The following KIF13A variants were observed in gnomAD, a reference collection of about 807,000 sequenced individuals.
KIF13A encodes kinesin-like protein KIF13A.
KIF13A carries 79 observed loss-of-function variants against 212.2 expected under a neutral mutation model. The ratio of observed to expected loss-of-function variants is 0.37; its 90% CI spans 0.31 to 0.45. The LOEUF is 0.45. KIF13A is among the 20% of genes least tolerant of loss of function. KIF13A has a pLI of 1.00. For synonymous variants in KIF13A, 789 were observed against 808.6 expected (o/e 0.98, Z 0.41); for missense variants, 1,901 against 2,209.0 (o/e 0.86, Z 2.79).
intron 2 of KIF13A, among the ~76,000 whole-genome samples, chr6:17,944,254 T>G (rs1049014867): frequency 1.3e-5 from 2 of 152,222 alleles, no homozygotes; most frequent in African/African-American, 4.8e-5. Flanking sequence ...CCCTGTTTTC[T>G]GAGGAGTTCC....
intron 20 of KIF13A, among the ~76,000 whole-genome samples, chr6:17,803,717 G>A (rs995219579): frequency 6.6e-6 from 1 of 152,088 alleles, no homozygotes; most frequent in African/African-American, 2.4e-5. Context: ...AGAGTATATC[G>A]CAAAGGTATG....
Position 17,895,730 on chromosome 6 carries a change from T to C in KIF13A, c.159+2438A>G, listed in dbSNP as rs923228675. ...TCCTGAATGGCATATATCTAAATGCTAGGTTCATCTCTCTAAATTTTTACC... is the reference window on the plus strand; with the variant it reads ...TCCTGAATGGCATATATCTAAATGCCAGGTTCATCTCTCTAAATTTTTACC... On this transcript the variant is annotated intron_variant, in intron 3 of 38. Transcript: ENST00000259711. The surrounding 1 kb of genome is among the most constrained non-coding windows in gnomAD (Gnocchi z 4.4). Among the ~76,000 whole-genome samples, 5 of 152,212 alleles carry C rather than the reference T, an allele frequency of 3.3e-5. No homozygotes were observed. Among genetic ancestry groups the C allele is most frequent in the African/African-American group, 4.8e-5 (2 of 41,452 alleles).
chr6:17,782,889 T>C (rs981071327), intron 29 of KIF13A, among the ~76,000 whole-genome samples: 2 of 152,206 alleles, frequency 1.3e-5, no homozygotes, highest in African/African-American at 4.8e-5. Flanking sequence ...AACTAGTCTT[T>C]GTTTATATAC....
intron 2 of KIF13A, among the ~76,000 whole-genome samples, chr6:17,909,412 T>C (rs1773822787): frequency 6.6e-6 from 1 of 151,634 alleles, no homozygotes; most frequent in African/African-American, 2.4e-5. Context: ...GGCGCGTGCC[T>C]GTAGATCCAG....
At chr6:17,806,724 A>T (rs1444426470) in intron 18 of KIF13A, among the ~76,000 whole-genome samples, 1 of 152,142 alleles carries the variant, frequency 6.6e-6, no homozygotes, top group Non-Finnish European at 1.5e-5. Context: ...TACTAAAAAT[A>T]CAAAATTAGC....
In KIF13A at chr6:17,886,374, G is replaced by T. The variant is rs1293937598; in HGVS notation, c.159+11794C>A. ...CTAAAGGACCTGAGGCAGTCCAGGG[G>T]TTGCAAACATTTACTCCCAGTTAAG... On this transcript the variant is annotated intron_variant, in intron 3 of 38. Transcript: ENST00000259711. This position sits in a 1 kb window ranked among gnomAD's most constrained non-coding sequence, Gnocchi z 5.6. Among the ~76,000 whole-genome samples the T allele has an allele frequency of 6.6e-6, 1 of 152,174 alleles. No individual in the cohort carries two copies. The highest frequency in any genetic ancestry group is 1.5e-5 in the Non-Finnish European group (1 of 68,042).
chr6:17,760,758 A>T (rs1490571476), downstream of KIF13A: 2 of 1,256,730 alleles, frequency 1.6e-6, no homozygotes, highest in African/African-American at 2.9e-5. Flanking sequence ...AGGTCCAGCC[A>T]GGCGGCAGCA....
At position 17,951,348 on chromosome 6, in the gene KIF13A, C is replaced by T. The variant is rs1253600070; in HGVS notation, c.146+35706G>A. On this transcript the variant is annotated intron_variant, in intron 2 of 38. Coordinates refer to ENST00000259711, the MANE Select transcript of KIF13A (RefSeq NM_022113.6). The surrounding 1 kb of genome is among the most constrained non-coding windows in gnomAD (Gnocchi z 4.9). Reference sequence around the variant, plus strand: ...GTTTTGCCATGTTGCAAAGGCTGGTCTTGAAATCCTCGGCTCAAGTGATCC... The same window carrying T: ...GTTTTGCCATGTTGCAAAGGCTGGTTTTGAAATCCTCGGCTCAAGTGATCC... The T allele has an allele frequency of 1.6e-6, 1 of 640,656 alleles. No individual in the cohort carries two copies. Among genetic ancestry groups the T allele is most frequent in the East Asian group, 3.0e-5 (1 of 33,722 alleles). 39.7% of individuals were successfully genotyped at this position (640,656 alleles called of 1,614,324 possible).
At chr6:17,863,741 T>C (rs1769079646) in intron 4 of KIF13A, among the ~76,000 whole-genome samples, 1 of 152,198 alleles carries the variant, frequency 6.6e-6, no homozygotes, top group African/African-American at 2.4e-5. Context: ...AGAACCCTCA[T>C]ATGGTCTCTT....
chr6:17,866,616 G>C (rs934015930), intron 4 of KIF13A, among the ~76,000 whole-genome samples: 1 of 151,906 alleles, frequency 6.6e-6, no homozygotes, highest in Non-Finnish European at 1.5e-5. Context: ...AGTGCATGTA[G>C]AGGGATCGGC....
chr6:17,903,174 G>A (rs1345693683), intron 2 of KIF13A, among the ~76,000 whole-genome samples: 1 of 152,190 alleles, frequency 6.6e-6, no homozygotes, highest in Non-Finnish European at 1.5e-5. Context: ...CAACTAAATT[G>A]AGAAATGCTG....
chr6:17,945,627 A>G (rs1252489659), intron 2 of KIF13A, among the ~76,000 whole-genome samples: 1 of 152,226 alleles, frequency 6.6e-6, no homozygotes, highest in Non-Finnish European at 1.5e-5. Flanking sequence ...AACTAAATAA[A>G]CAGATATACC....
chr6:17,882,493 C>A (rs1771160574), intron 3 of KIF13A, among the ~76,000 whole-genome samples: 2 of 151,926 alleles, frequency 1.3e-5, no homozygotes, highest in Admixed American at 6.6e-5. Context: ...CAGATTTTTG[C>A]AAAGTGAGCC....
Position 17,837,132 on chromosome 6 carries a change from T to A in KIF13A, c.943-42A>T, listed in dbSNP as rs762010376. On this transcript the variant is annotated intron_variant, in intron 10 of 38. Transcript: ENST00000259711. The surrounding 1 kb of genome is among the most constrained non-coding windows in gnomAD (Gnocchi z 5.4). Reference sequence around the variant, plus strand: ...ACAGCATCTTAGGAAGCCCATTCCATGGACAACACATATGATAAAAGCACT... The same window carrying A: ...ACAGCATCTTAGGAAGCCCATTCCAAGGACAACACATATGATAAAAGCACT... 3 of 1,526,938 alleles carry A rather than the reference T, an allele frequency of 2.0e-6. No homozygotes were observed. The highest frequency in any genetic ancestry group is 2.7e-6 in the Non-Finnish European group (3 of 1,102,604). 94.6% of individuals were successfully genotyped at this position (1,526,938 alleles called of 1,614,324 possible).
chr6:17,837,877 C>T lies in KIF13A; in HGVS notation c.831-294G>A, dbSNP rs1402364372. On this transcript the variant is annotated intron_variant, in intron 9 of 38. Coordinates refer to ENST00000259711, the MANE Select transcript of KIF13A (RefSeq NM_022113.6). The surrounding 1 kb of genome is among the most constrained non-coding windows in gnomAD (Gnocchi z 5.4). ...CTGAAGCAGGAGAATCTCTGGAACC[C>T]GGGAGTTAGAGGTTGCAGTGAGCCG... 2.6e-5 allele frequency among the ~76,000 whole-genome samples: 4 copies of T among 151,902 alleles called. No homozygotes were observed. Among genetic ancestry groups the T allele is most frequent in the Non-Finnish European group, 5.9e-5 (4 of 67,996 alleles).
chr6:17,831,784 G>A (rs1385853599), intron 12 of KIF13A, among the ~76,000 whole-genome samples: 1 of 150,018 alleles, frequency 6.7e-6, no homozygotes, highest in African/African-American at 2.5e-5. Flanking sequence ...AAGGCTGGAA[G>A]AGAAGGTTGG....
At chr6:17,970,621 T>A (rs987661165) in intron 2 of KIF13A, among the ~76,000 whole-genome samples, 5 of 152,216 alleles carry the variant, frequency 3.3e-5, no homozygotes, top group African/African-American at 1.2e-4. Flanking sequence ...TTTATTAATC[T>A]TAATGCAATA....
chr6:17,905,732 G>A (rs1041508564), intron 2 of KIF13A, among the ~76,000 whole-genome samples: 1 of 152,146 alleles, frequency 6.6e-6, no homozygotes, highest in South Asian at 2.1e-4. Flanking sequence ...CCCAATAGGG[G>A]GAATCATCTG....
intron 2 of KIF13A, among the ~76,000 whole-genome samples, chr6:17,930,040 T>C (rs989757945): frequency 5.9e-5 from 9 of 152,214 alleles, no homozygotes; most frequent in African/African-American, 1.9e-4. Context: ...AAAATGGGGC[T>C]ACAGTCTGCC....
Sources: allele counts gnomAD v4.1 joint callset (sites outside exome capture counted in the v4.1 genomes callset), GRCh38; gene constraint gnomAD v4.1.1; non-coding constraint Gnocchi (gnomAD v3.1); transcripts MANE v1.5; gene names NCBI Gene and HGNC (gene_info 2026-07-23, HGNC 2026-07-21).